The following PLPP1 variants were observed in gnomAD, a reference collection of about 807,000 sequenced individuals.
PLPP1 encodes phospholipid phosphatase 1.
Under a neutral mutation model 31.2 loss-of-function variants are expected in PLPP1, and 24 were observed. The observed-to-expected ratio is 0.77, with a 90% CI of 0.56 to 1.08. The LOEUF (loss-of-function observed/expected upper bound fraction) is 1.08. Among genes scored for constraint, PLPP1 ranks in the 50% least tolerant of loss-of-function variants. The pLI is 0.00. For missense variants in PLPP1, 319 were observed against 342.7 expected (o/e 0.93, Z 0.55); for synonymous variants, 146 against 126.3 (o/e 1.16, Z -1.05).
At chr5:55,425,428 A>G (rs1751156122) in intron 5 of PLPP1, 94 bp from the exon 6 acceptor site, 9 of 1,192,776 alleles carry the variant, frequency 7.5e-6, no homozygotes, top group East Asian at 4.9e-5. Context: ...AATATAAACA[A>G]AAGGATATAC....
chr5:55,466,340 C>A (rs1002053023), intron 3 of PLPP1, among the ~76,000 whole-genome samples: 1 of 152,132 alleles, frequency 6.6e-6, no homozygotes, highest in African/African-American at 2.4e-5. Flanking sequence ...CACTGCTAAA[C>A]CCCAAGCAAA....
intron 1 of PLPP1, among the ~76,000 whole-genome samples, chr5:55,486,531 A>G (rs1752778277): frequency 6.6e-6 from 1 of 152,048 alleles, no homozygotes; most frequent in Admixed American, 6.5e-5. Context: ...GGTTGCAGTG[A>G]GCTGAGATCA....
At chr5:55,458,914 A>AAAAAC (rs1387046910) in intron 3 of PLPP1, among the ~76,000 whole-genome samples, 1 of 148,868 alleles carries the variant, frequency 6.7e-6, no homozygotes, top group Admixed American at 6.8e-5. Context: ...AAAAAAAAAA[A>AAAAAC]AACACATAGC....
chr5:55,485,421 A>G (rs987625106), intron 1 of PLPP1, among the ~76,000 whole-genome samples: 1 of 152,194 alleles, frequency 6.6e-6, no homozygotes, highest in African/African-American at 2.4e-5. Flanking sequence ...CCACAGGACA[A>G]GGAGTGAAGT....
chr5:55,503,910 GA>G (rs1185462466), intron 1 of PLPP1, among the ~76,000 whole-genome samples: 2 of 41,864 alleles, frequency 4.8e-5, no homozygotes, highest in African/African-American at 1.3e-4. Flanking sequence ...GAGGGGGGAG[GA>G]AGGGGGGGGA....
chr5:55,478,220 G>T (rs895693835), intron 1 of PLPP1, among the ~76,000 whole-genome samples: 3 of 151,872 alleles, frequency 2.0e-5, no homozygotes, highest in African/African-American at 7.3e-5. Flanking sequence ...AAAGTTTGTG[G>T]GTATTTTTCA....
chr5:55,484,426 A>G (rs1752734599), intron 1 of PLPP1: 1 of 152,170 alleles, frequency 6.6e-6, no homozygotes, highest in Admixed American at 6.5e-5. Context: ...TTTTTCAACA[A>G]TAGAAACCCA....
At chr5:55,509,379 A>G (rs1267987732) in intron 1 of PLPP1, among the ~76,000 whole-genome samples, 1 of 152,196 alleles carries the variant, frequency 6.6e-6, no homozygotes, top group Non-Finnish European at 1.5e-5. Context: ...GAATTCAAAG[A>G]ACAGTGCACC....
At chr5:55,474,002 T>G (rs1309220976) in intron 2 of PLPP1, among the ~76,000 whole-genome samples, 19 of 137,796 alleles carry the variant, frequency 1.4e-4, no homozygotes, top group African/African-American at 4.4e-4. Context: ...TTGTTGTTTT[T>G]TTTTTTTTTT....
chr5:55,528,848 G>C (rs562434072), intron 1 of PLPP1, among the ~76,000 whole-genome samples: 41 of 152,218 alleles, frequency 2.7e-4, no homozygotes, highest in African/African-American at 9.6e-4. Context: ...TGGAATGTCA[G>C]TGAATCCACT....
At chr5:55,429,493 C>T (rs1050224160) in intron 4 of PLPP1, among the ~76,000 whole-genome samples, 1 of 152,072 alleles carries the variant, frequency 6.6e-6, no homozygotes, top group Admixed American at 6.5e-5. Context: ...AGTCAGCATC[C>T]GCATTCCCAT....
intron 1 of PLPP1, among the ~76,000 whole-genome samples, chr5:55,483,525 A>T (rs933204771): frequency 1.3e-5 from 2 of 152,008 alleles, no homozygotes; most frequent in African/African-American, 4.8e-5. Context: ...TACAAAAATT[A>T]GCCAGGCATG....
At chr5:55,470,290 G>A (rs1752389805) in intron 2 of PLPP1, among the ~76,000 whole-genome samples, 2 of 152,276 alleles carry the variant, frequency 1.3e-5, no homozygotes, top group South Asian at 4.1e-4. Context: ...AACATATCAA[G>A]TATATTAATC....
At chr5:55,426,066 T>C (rs373660963) in intron 4 of PLPP1, 27 bp from the exon 5 acceptor site, 11 of 1,544,954 alleles carry the variant, frequency 7.1e-6, no homozygotes, top group East Asian at 6.8e-5. Flanking sequence ...AAGAAAAAAA[T>C]AGTTTATTTA....
chr5:55,492,876 A>G (rs1460864714), intron 1 of PLPP1, among the ~76,000 whole-genome samples: 1 of 152,210 alleles, frequency 6.6e-6, no homozygotes, highest in Non-Finnish European at 1.5e-5. Flanking sequence ...AACACAAGCT[A>G]TCTCTTCCAG....
At chr5:55,453,938 C>T (rs572118582) in intron 3 of PLPP1, among the ~76,000 whole-genome samples, 123 of 151,916 alleles carry the variant, frequency 8.1e-4, no homozygotes, top group African/African-American at 2.7e-3. Flanking sequence ...AAGACTCTGT[C>T]TCAAAAAAAA....
At chr5:55,458,813 A>G (rs1752079045) in intron 3 of PLPP1, among the ~76,000 whole-genome samples, 1 of 141,186 alleles carries the variant, frequency 7.1e-6, no homozygotes, top group South Asian at 2.4e-4. Flanking sequence ...GCTTGAACTC[A>G]GGAGGCAGAG....
chr5:55,425,340 G>A lies in PLPP1; in HGVS notation c.727-6C>T, dbSNP rs1409805529. On this transcript the variant is annotated splice_region_variant and splice_polypyrimidine_tract_variant and intron_variant, in intron 5 of 5. Coordinates refer to ENST00000307259, the MANE Select transcript of PLPP1 (RefSeq NM_003711.4). Reference sequence around the variant, plus strand: ...AAATCCGATACATATACAGCCTACAGTGCAAAATATTTAATGGTATAATTT... The same window carrying A: ...AAATCCGATACATATACAGCCTACAATGCAAAATATTTAATGGTATAATTT... 2 of 1,588,616 alleles carry A rather than the reference G, an allele frequency of 1.3e-6. No homozygotes were observed. Among genetic ancestry groups the A allele is most frequent in the Non-Finnish European group, 1.7e-6 (2 of 1,163,112 alleles).
chr5:55,503,996 CG>C (rs1339909657), intron 1 of PLPP1, among the ~76,000 whole-genome samples: 84 of 151,300 alleles, frequency 5.6e-4, no homozygotes, highest in Non-Finnish European at 1.0e-3. Context: ...ACTAATGGAA[CG>C]GGTGCGGTGG....
Sources: allele counts gnomAD v4.1 joint callset (sites outside exome capture counted in the v4.1 genomes callset), GRCh38; gene constraint gnomAD v4.1.1; transcripts MANE v1.5; gene names NCBI Gene and HGNC (gene_info 2026-07-23, HGNC 2026-07-21).